ABCE1: variants seen among roughly 807,000 people sequenced by gnomAD.
ABCE1 encodes the protein ATP binding cassette subfamily E member 1.
ABCE1 carries 22 observed loss-of-function variants against 83.4 expected under a neutral mutation model. The ratio of observed to expected loss-of-function variants is 0.26; its 90% CI spans 0.19 to 0.38. ABCE1 has a LOEUF of 0.38. Ranked by LOEUF, ABCE1 falls within the 10% of genes least tolerant of loss-of-function variation. The probability of loss-of-function intolerance (pLI) is 1.00; values close to 1 mark genes in which losing one functional copy is unlikely to be tolerated. For synonymous variants in ABCE1, 204 were observed against 233.7 expected (o/e 0.87, Z 1.16); for missense variants, 330 against 721.9 (o/e 0.46, Z 6.22).
intron 8 of ABCE1, among the ~76,000 whole-genome samples, chr4:145,111,645 G>T (rs898998022): frequency 6.6e-6 from 1 of 152,078 alleles, no homozygotes; most frequent in Admixed American, 6.6e-5. Flanking sequence ...GTTTTTATGT[G>T]AAAAGACTTA....
At chr4:145,116,034 C>G (rs1749600080) in intron 9 of ABCE1, among the ~76,000 whole-genome samples, 1 of 151,706 alleles carries the variant, frequency 6.6e-6, no homozygotes, top group African/African-American at 2.4e-5. Context: ...AAAAGTATTC[C>G]CATAGCAAGT....
rs184722024 is a variant in ABCE1 at position 145,107,326 on chromosome 4, A to G, written c.190-689A>G. On this transcript the variant is annotated intron_variant, in intron 3 of 17. Coordinates refer to ENST00000296577, the MANE Select transcript of ABCE1 (RefSeq NM_002940.3). Reference sequence around the variant, plus strand: ...AAAAAGGATAAGATCCATGACCTCAAACGACTTTACAAGGTAGAACAGGAA... The same window carrying G: ...AAAAAGGATAAGATCCATGACCTCAGACGACTTTACAAGGTAGAACAGGAA... Among the ~76,000 whole-genome samples the G allele has an allele frequency of 7.2e-4, 109 of 152,236 alleles. 1 individual carries two copies. The highest frequency in any genetic ancestry group is 2.6e-3 in the African/African-American group (107 of 41,562).
chr4:145,104,584 C>G (rs919296920), intron 2 of ABCE1, 69 bp downstream of exon 2: 64 of 1,015,524 alleles, frequency 6.3e-5, no homozygotes, highest in Middle Eastern at 4.6e-4. Context: ...TTTGATAATT[C>G]TTTACGGACA....
At chr4:145,126,701 T>C (rs1466389743) in intron 17 of ABCE1, among the ~76,000 whole-genome samples, 1 of 152,238 alleles carries the variant, frequency 6.6e-6, no homozygotes. Context: ...TATACATACT[T>C]CTGCTGTAGC....
chr4:145,123,993 G>C (rs1030552877), intron 16 of ABCE1: 2 of 158,204 alleles, frequency 1.3e-5, no homozygotes, highest in African/African-American at 4.8e-5. Flanking sequence ...GACAGTGATT[G>C]AGCTCACAGT....
intron 1 of ABCE1, among the ~76,000 whole-genome samples, chr4:145,098,694 T>C (rs1322130200): frequency 2.0e-5 from 3 of 152,150 alleles, no homozygotes; most frequent in South Asian, 2.1e-4. Flanking sequence ...CTAGATGCCG[T>C]AGTCTCCACT....
rs1553992739 is a variant in ABCE1 at position 145,101,073 on chromosome 4, A to AAT, written c.-28+2663_-28+2664dup. Among the ~76,000 whole-genome samples, 7 of 151,802 alleles carry AAT rather than the reference A, an allele frequency of 4.6e-5. 1 individual carries two copies. The highest frequency in any genetic ancestry group is 1.0e-4 in the Non-Finnish European group (7 of 67,998). On this transcript the variant is annotated intron_variant, in intron 1 of 17. Coordinates refer to ENST00000296577, the MANE Select transcript of ABCE1 (RefSeq NM_002940.3). ...ATATACACCAGATATATATAAAAAA[A>AAT]ATATATATATGGAATATATAGTATG...
At chr4:145,102,331 A>G (rs978403961) in intron 1 of ABCE1, among the ~76,000 whole-genome samples, 4 of 152,210 alleles carry the variant, frequency 2.6e-5, no homozygotes, top group Non-Finnish European at 5.9e-5. Flanking sequence ...AAGAAGGAAA[A>G]ATAAAACAAT....
At position 145,111,748 on chromosome 4, in the gene ABCE1, AAG is replaced by A. The variant is rs372828629; in HGVS notation, c.711-486_711-485del. On this transcript the variant is annotated intron_variant, in intron 8 of 17. Transcript: ENST00000296577. ...TAGATCACTGTGGCATGCCATGTGA[AAG>A]AGAGGAGAGGAAAGTTTCCTTCCTT... Among the ~76,000 whole-genome samples, 160 of 152,310 alleles carry A rather than the reference AAG, an allele frequency of 1.1e-3. 2 individuals are homozygous for A. In the South Asian group the frequency reaches 0.033, roughly 31 times the overall value.
intron 1 of ABCE1, among the ~76,000 whole-genome samples, chr4:145,099,278 T>C (rs1749036095): frequency 6.6e-6 from 1 of 152,210 alleles, no homozygotes; most frequent in Admixed American, 6.5e-5. Flanking sequence ...ATGGTAAAAA[T>C]CTATAAGAGG....
chr4:145,124,663 T>C (rs1012367517), intron 16 of ABCE1, among the ~76,000 whole-genome samples: 36 of 152,180 alleles, frequency 2.4e-4, no homozygotes, highest in Non-Finnish European at 1.2e-4. Flanking sequence ...AAATGTGCAA[T>C]TGGAGATTCT....
intron 9 of ABCE1, among the ~76,000 whole-genome samples, chr4:145,114,929 T>C (rs1274193557): frequency 2.0e-5 from 3 of 152,020 alleles, no homozygotes; most frequent in Non-Finnish European, 4.4e-5. Context: ...AAGGCATACA[T>C]TCAGTCTTTA....
At chr4:145,123,745 C>A in intron 16 of ABCE1, 145 bp downstream of exon 16, 1 of 728,356 alleles carries the variant, frequency 1.4e-6, no homozygotes, top group Non-Finnish European at 2.2e-6. Context: ...GTATTGGGGA[C>A]TGGATGGGAC....
intron 17 of ABCE1, among the ~76,000 whole-genome samples, chr4:145,127,319 G>A: frequency 6.6e-6 from 1 of 152,186 alleles, no homozygotes; most frequent in East Asian, 1.9e-4. Context: ...GTGCAAGTGA[G>A]TCATTCTAGC....
intron 8 of ABCE1, among the ~76,000 whole-genome samples, chr4:145,111,433 C>T (rs768261456): frequency 2.2e-4 from 34 of 152,184 alleles, no homozygotes; most frequent in Non-Finnish European, 4.6e-4. Flanking sequence ...ACGCCATTCT[C>T]CTGCCTCAGC....
chr4:145,121,998 A>AG (rs1334268364), intron 13 of ABCE1: 1 of 152,324 alleles, frequency 6.6e-6, no homozygotes, highest in Non-Finnish European at 1.5e-5. Context: ...ACAAGATGGG[A>AG]GAAACATTTG....
At chr4:145,119,725 G>A (rs904838733) in intron 10 of ABCE1, among the ~76,000 whole-genome samples, 5 of 151,902 alleles carry the variant, frequency 3.3e-5, no homozygotes, top group African/African-American at 1.2e-4. Context: ...ACTTCATGTG[G>A]TTGGGGGGGA....
intron 8 of ABCE1, 21 bp from the exon 9 acceptor site, chr4:145,112,216 CTT>C (rs4148239): frequency 0.16 from 174,312 of 1,105,536 alleles, 4,833 homozygotes; most frequent in East Asian, 0.33. Context: ...CTTATATTTG[CTT>C]TTTTTTTTTT....
intron 17 of ABCE1, among the ~76,000 whole-genome samples, chr4:145,126,991 A>G (rs558548616): frequency 1.4e-4 from 21 of 152,304 alleles, no homozygotes; most frequent in Non-Finnish European, 2.4e-4. Context: ...TTTCTTAGAC[A>G]GACTTATGGT....
Sources: allele counts gnomAD v4.1 joint callset (sites outside exome capture counted in the v4.1 genomes callset), GRCh38; gene constraint gnomAD v4.1.1; transcripts MANE v1.5; gene names NCBI Gene and HGNC (gene_info 2026-07-23, HGNC 2026-07-21).